The following SMIM35 variants were observed in gnomAD, a reference collection of about 807,000 sequenced individuals.
The protein encoded by SMIM35 is TMPRSS4 antisense RNA 1 (non-protein coding).
chr11:118,044,338 G>C (rs534293880), intron 1 of SMIM35, among the ~76,000 whole-genome samples: 46 of 143,000 alleles, frequency 3.2e-4, no homozygotes, highest in African/African-American at 1.1e-3. Flanking sequence ...AAAAAATGCA[G>C]CCGTGAGTAC....
intron 1 of SMIM35, among the ~76,000 whole-genome samples, chr11:118,074,759 A>T (rs1368984883): frequency 2.6e-5 from 4 of 151,682 alleles, no homozygotes; most frequent in African/African-American, 7.3e-5. Flanking sequence ...AAAAAAAAAA[A>T]AAAAAAGAAT....
chr11:118,049,273 AC>A (rs1256852588), intron 1 of SMIM35, among the ~76,000 whole-genome samples: 3 of 148,796 alleles, frequency 2.0e-5, no homozygotes, highest in Non-Finnish European at 4.4e-5. Flanking sequence ...CTGGCTGGGG[AC>A]CCCAGAACCG....
At chr11:118,049,075 T>C (rs1244666072) in intron 1 of SMIM35, among the ~76,000 whole-genome samples, 1 of 151,884 alleles carries the variant, frequency 6.6e-6, no homozygotes, top group African/African-American at 2.4e-5. Flanking sequence ...CCAGGGACAT[T>C]GCCAGCGTGA....
chr11:118,049,360 T>C (rs1053378857), intron 1 of SMIM35, among the ~76,000 whole-genome samples: 1 of 143,868 alleles, frequency 7.0e-6, no homozygotes, highest in Admixed American at 6.9e-5. Context: ...TTTTTTTTTT[T>C]TTTTTTGAGA....
intron 1 of SMIM35, among the ~76,000 whole-genome samples, chr11:118,068,893 C>A (rs1772327347): frequency 6.6e-6 from 1 of 152,196 alleles, no homozygotes; most frequent in Non-Finnish European, 1.5e-5. Context: ...CTCAGTCAAG[C>A]CAGAGCCACC....
intron 1 of SMIM35, among the ~76,000 whole-genome samples, chr11:118,055,975 G>A (rs1288141882): frequency 1.3e-5 from 2 of 151,988 alleles, no homozygotes; most frequent in Non-Finnish European, 2.9e-5. Flanking sequence ...GTGATGAATT[G>A]TGAAGGATGG....
intron 1 of SMIM35, among the ~76,000 whole-genome samples, chr11:118,078,661 C>T (rs1184115206): frequency 6.6e-6 from 1 of 152,116 alleles, no homozygotes; most frequent in Non-Finnish European, 1.5e-5. Flanking sequence ...CTGTGAGCTG[C>T]TTCTGGGTGG....
chr11:118,003,815 A>G lies in SMIM35; in HGVS notation c.*2595T>C, dbSNP rs2058109137. 1 of 152,216 alleles carries G rather than the reference A, an allele frequency of 6.6e-6. No individual in the cohort carries two copies. The highest frequency in any genetic ancestry group is 6.5e-5 in the Admixed American group (1 of 15,272). The allele number at this position is 152,216 out of a possible 1,614,324, so 9.4% of individuals were successfully genotyped here. The stretch of plus-strand genomic sequence containing the variant: ...AACACCAAGCAAATAAACACAACAA[A>G]CGTATTACTACAATCAGTGATAAGT... On this transcript the variant is annotated 3_prime_UTR_variant, in exon 5 of 5. Coordinates refer to ENST00000689828, the MANE Select transcript of SMIM35 (RefSeq NM_001394165.1).
intron 4 of SMIM35, among the ~76,000 whole-genome samples, chr11:118,012,389 A>G (rs1407683133): frequency 6.6e-6 from 1 of 152,170 alleles, no homozygotes; most frequent in Non-Finnish European, 1.5e-5. Flanking sequence ...CTGTCTACCA[A>G]ACTACAGTGG....
chr11:118,045,446 G>A (rs1944083273), intron 1 of SMIM35, among the ~76,000 whole-genome samples: 2 of 152,008 alleles, frequency 1.3e-5, no homozygotes, highest in South Asian at 4.1e-4. Context: ...GGTGATGATA[G>A]GGTTTATGAA....
chr11:118,039,417 G>A (rs977051058), intron 1 of SMIM35, among the ~76,000 whole-genome samples: 1 of 152,096 alleles, frequency 6.6e-6, no homozygotes, highest in Non-Finnish European at 1.5e-5. Flanking sequence ...TACAAGAATA[G>A]AGGAGCTAGT....
intron 4 of SMIM35, among the ~76,000 whole-genome samples, chr11:118,009,905 T>C (rs1157452684): frequency 1.3e-5 from 2 of 152,152 alleles, no homozygotes; most frequent in East Asian, 3.8e-4. Context: ...CCAGACCTTA[T>C]ACTACATTCA....
chr11:118,019,413 C>A (rs1030909328), intron 1 of SMIM35, among the ~76,000 whole-genome samples: 5 of 152,110 alleles, frequency 3.3e-5, no homozygotes, highest in African/African-American at 4.8e-5. Context: ...AAGAGCCCAG[C>A]AGTCAAATTG....
intron 1 of SMIM35, among the ~76,000 whole-genome samples, chr11:118,078,458 C>A (rs1465803978): frequency 6.6e-6 from 1 of 152,222 alleles, no homozygotes; most frequent in African/African-American, 2.4e-5. Flanking sequence ...TCTGAAAATT[C>A]TGGCAAGAAC....
intron 1 of SMIM35, among the ~76,000 whole-genome samples, chr11:118,058,819 G>A (rs1325248096): frequency 6.6e-6 from 1 of 152,236 alleles, no homozygotes; most frequent in Non-Finnish European, 1.5e-5. Context: ...TGCAGAACAG[G>A]AAGCCACAGC....
intron 1 of SMIM35, among the ~76,000 whole-genome samples, chr11:118,068,794 T>C (rs772844941): frequency 3.8e-4 from 58 of 152,192 alleles, no homozygotes; most frequent in Non-Finnish European, 1.3e-4. Context: ...CTGGCGGCAC[T>C]GTGTCTGCAT....
chr11:118,081,561 T>G (rs572459879), intron 1 of SMIM35, among the ~76,000 whole-genome samples: 11 of 152,360 alleles, frequency 7.2e-5, no homozygotes, highest in Admixed American at 7.2e-4. Flanking sequence ...AAAGGAACAC[T>G]TGAGGAAGAG....
intron 1 of SMIM35, among the ~76,000 whole-genome samples, chr11:118,052,624 C>T (rs1944235485): frequency 1.3e-5 from 2 of 152,106 alleles, no homozygotes; most frequent in South Asian, 4.2e-4. Context: ...CTGAGATAAG[C>T]CCCTAGCTCT....
At chr11:118,028,400 T>A (rs141651437) in intron 1 of SMIM35, among the ~76,000 whole-genome samples, 1 of 152,278 alleles carries the variant, frequency 6.6e-6, no homozygotes, top group Admixed American at 6.5e-5. Context: ...ATATAAGTCC[T>A]ATGATATGTT....
Sources: gnomAD v4.1 joint callset for allele counts (sites outside exome capture counted in the v4.1 genomes callset) on GRCh38, gnomAD v4.1.1 for gene constraint, MANE v1.5 for transcripts, NCBI Gene and HGNC (gene_info 2026-07-23, HGNC 2026-07-21) for gene names.